The following SNX2 variants were observed in gnomAD, a reference collection of about 807,000 sequenced individuals.
SNX2 encodes the protein sorting nexin-2.
Under a neutral mutation model 69.9 loss-of-function variants are expected in SNX2, and 25 were observed. The observed-to-expected ratio is 0.36, with a 90% CI of 0.26 to 0.50. SNX2 has a LOEUF of 0.50. SNX2 is among the 20% of genes least tolerant of loss of function. The pLI is 0.97. For synonymous variants in SNX2, 229 were observed against 200.4 expected, an observed-to-expected ratio of 1.14 and a Z score of -1.20; for missense variants, 551 against 613.3, an observed-to-expected ratio of 0.90 and a Z score of 1.07.
intron 1 of SNX2, among the ~76,000 whole-genome samples, chr5:122,781,897 G>A (rs1239671429): frequency 4.0e-5 from 6 of 151,488 alleles, no homozygotes; most frequent in Admixed American, 1.3e-4. Flanking sequence ...AATATATAAA[G>A]CTCCTTGCTT....
intron 11 of SNX2, among the ~76,000 whole-genome samples, chr5:122,820,551 AC>A (rs1754000797): frequency 6.6e-6 from 1 of 151,852 alleles, no homozygotes; most frequent in South Asian, 2.1e-4. Context: ...AAAAAAGAAT[AC>A]GTATCTGCTA....
intron 5 of SNX2, 136 bp downstream of exon 5, chr5:122,802,260 G>T: frequency 1.3e-6 from 1 of 785,974 alleles, no homozygotes. Context: ...AGAAGTAGGT[G>T]CAATGAGTTG....
intron 12 of SNX2, chr5:122,826,727 T>TG: frequency 1.6e-6 from 1 of 614,214 alleles, no homozygotes; most frequent in Non-Finnish European, 2.0e-6. Context: ...GGTTACATAG[T>TG]GGGAAAAATA....
chr5:122,824,615 T>A (rs1754112979), intron 11 of SNX2, among the ~76,000 whole-genome samples: 1 of 152,210 alleles, frequency 6.6e-6, no homozygotes, highest in Non-Finnish European at 1.5e-5. Flanking sequence ...CTGGTTAATT[T>A]AAAATGTTCA....
rs567619977 is a variant in SNX2 at position 122,833,768 on chromosome 5, C to T, written c.*4120C>T. The T allele has an allele frequency of 6.6e-6, 1 of 152,038 alleles. No individual in the cohort carries two copies. Among genetic ancestry groups the T allele is most frequent in the South Asian group, 2.1e-4 (1 of 4,764 alleles). 9.4% of individuals were successfully genotyped at this position (152,038 alleles called of 1,614,324 possible). A position where few individuals can be genotyped will look rare whatever the true frequency, so the allele number is the denominator to read the frequency against. On this transcript the variant is annotated 3_prime_UTR_variant, in exon 15 of 15. Coordinates refer to ENST00000379516, the MANE Select transcript of SNX2 (RefSeq NM_003100.4). ...TCATTGTACACATGAAATGAGTTTA[C>T]TGTGGAAATGAAAATGCAGAGTAAG... is the stretch of plus-strand genomic sequence containing the variant.
At chr5:122,792,501 G>A (rs1176678283) in intron 1 of SNX2, among the ~76,000 whole-genome samples, 1 of 151,928 alleles carries the variant, frequency 6.6e-6, no homozygotes, top group Non-Finnish European at 1.5e-5. Flanking sequence ...GGAGGCTGAG[G>A]CAGGAGAATC....
At chr5:122,796,644 C>T (rs1753384659) in intron 2 of SNX2, among the ~76,000 whole-genome samples, 1 of 152,168 alleles carries the variant, frequency 6.6e-6, no homozygotes, top group African/African-American at 2.4e-5. Context: ...AGTTCTTTCT[C>T]TACTTAACAA....
At chr5:122,801,652 C>CATGT (rs113836294) in intron 3 of SNX2, among the ~76,000 whole-genome samples, 3 of 132,056 alleles carry the variant, frequency 2.3e-5, no homozygotes, top group African/African-American at 8.9e-5. Flanking sequence ...TGGTCTTTTT[C>CATGT]GTGTGTGTGT....
rs888245119 is a variant in SNX2 at position 122,831,618 on chromosome 5, A to C, written c.*1970A>C. ...AATACTTTTCAGAAACGAATAATTC[A>C]TAGTAATATATATCAGATGCTATCT... On this transcript the variant is annotated 3_prime_UTR_variant, in exon 15 of 15. Transcript: ENST00000379516. Among the ~76,000 whole-genome samples, 3 of 152,246 alleles carry C rather than the reference A, an allele frequency of 2.0e-5. No individual in the cohort carries two copies. Among genetic ancestry groups the C allele is most frequent in the Non-Finnish European group, 4.4e-5 (3 of 68,040 alleles).
At chr5:122,782,393 C>A (rs1752997930) in intron 1 of SNX2, among the ~76,000 whole-genome samples, 1 of 151,902 alleles carries the variant, frequency 6.6e-6, no homozygotes, top group East Asian at 1.9e-4. Context: ...CACCTACCCC[C>A]ACGCCCAGCT....
chr5:122,819,097 A>G, intron 11 of SNX2, 74 bp downstream of exon 11: 1 of 1,168,848 alleles, frequency 8.6e-7, no homozygotes, highest in Non-Finnish European at 1.2e-6. Flanking sequence ...TTAATTATGT[A>G]TTTACATGTC....
rs1050822235 is a variant in SNX2, at chr5:122,803,413, T to C, written c.502-59T>C. ...ATGTGTTCACAATTATGTATAACAT[T>C]AACTTGTGGAATAATTGCTTGCTAT... On this transcript the variant is annotated intron_variant, in intron 5 of 14. Coordinates refer to ENST00000379516, the MANE Select transcript of SNX2 (RefSeq NM_003100.4). The C allele has an allele frequency of 5.3e-6, 8 of 1,509,320 alleles. No individual in the cohort carries two copies. In the Admixed American group the frequency reaches 9.8e-5, roughly 18 times the overall value. The allele number at this position is 1,509,320 out of a possible 1,614,324, so 93.5% of individuals were successfully genotyped here. A position where few individuals can be genotyped will look rare whatever the true frequency, so the allele number is the denominator to read the frequency against.
intron 7 of SNX2, among the ~76,000 whole-genome samples, chr5:122,814,268 G>C (rs1753850490): frequency 6.6e-6 from 1 of 152,186 alleles, no homozygotes; most frequent in Non-Finnish European, 1.5e-5. Context: ...TGTTAAAATT[G>C]TAAGTCAAAT....
intron 1 of SNX2, among the ~76,000 whole-genome samples, chr5:122,792,171 A>G (rs1247477130): frequency 1.3e-5 from 2 of 152,252 alleles, no homozygotes; most frequent in African/African-American, 2.4e-5. Flanking sequence ...AAATTTTCCT[A>G]TAAGAGTTTG....
chr5:122,808,599 A>G (rs1349803672), intron 7 of SNX2: 9 of 315,478 alleles, frequency 2.9e-5, no homozygotes, highest in Admixed American at 9.3e-5. Context: ...TTGTTTTTCT[A>G]TTATATGCTA....
chr5:122,788,572 T>C (rs967074768), intron 1 of SNX2, among the ~76,000 whole-genome samples: 2 of 152,222 alleles, frequency 1.3e-5, no homozygotes, highest in African/African-American at 4.8e-5. Context: ...AAGTTATCTT[T>C]GTTATTCAGA....
At chr5:122,794,921 G>C (rs947299870) in intron 1 of SNX2, among the ~76,000 whole-genome samples, 2 of 152,128 alleles carry the variant, frequency 1.3e-5, no homozygotes, top group Admixed American at 6.5e-5. Flanking sequence ...TACCCTGGAG[G>C]CTGAGGTGGA....
chr5:122,818,676 A>ATTT, intron 10 of SNX2, 142 bp from the exon 11 acceptor site: 1 of 666,596 alleles, frequency 1.5e-6, no homozygotes, highest in South Asian at 2.2e-5. Flanking sequence ...TTAACGACTA[A>ATTT]TTGTTTCATA....
chr5:122,787,908 C>T (rs929405203), intron 1 of SNX2, among the ~76,000 whole-genome samples: 9 of 152,008 alleles, frequency 5.9e-5, no homozygotes, highest in Non-Finnish European at 1.2e-4. Flanking sequence ...ATAATCTTTA[C>T]TTCAACAGTC....
Sources: allele counts gnomAD v4.1 joint callset (sites outside exome capture counted in the v4.1 genomes callset), GRCh38; gene constraint gnomAD v4.1.1; transcripts MANE v1.5; gene names NCBI Gene and HGNC (gene_info 2026-07-23, HGNC 2026-07-21).